DOCK4: variants seen among roughly 807,000 people sequenced by gnomAD.
DOCK4 encodes dedicator of cytokinesis 4, also known as dedicator of cytokinesis protein 4.
Under a neutral mutation model 268.1 loss-of-function variants are expected in DOCK4, and 97 were observed. The ratio of observed to expected loss-of-function variants is 0.36; its 90% CI spans 0.31 to 0.43. The LOEUF (loss-of-function observed/expected upper bound fraction) is 0.43. DOCK4 is among the 20% of genes least tolerant of loss of function. DOCK4 has a pLI of 1.00. For synonymous variants in DOCK4, 954 were observed against 887.2 expected (o/e 1.08, Z -1.34); for missense variants, 2,145 against 2,455.7 (o/e 0.87, Z 2.67).
rs992698243 is a variant in DOCK4, at chr7:111,741,629, G to C, written c.4830C>G (p.Val1610=). The part of the protein sequence containing the change: ...EFSACMQASP[V]HFPNGSPRVC... ...CACGAGGGCTTCCATTAGGAAAATGGACAGGACTGGCTTGCATACAAGCAG... is the reference window on the plus strand; with the variant it reads ...CACGAGGGCTTCCATTAGGAAAATGCACAGGACTGGCTTGCATACAAGCAG... Residue 1610 remains valine (V), a synonymous_variant, in exon 46 of 53, where the codon GTC becomes GTG. Coordinates refer to ENST00000428084, the MANE Select transcript of DOCK4 (RefSeq NM_001363540.2). 3 of 1,613,480 alleles carry C rather than the reference G, an allele frequency of 1.9e-6. No individual in the cohort carries two copies. The African/African-American group carries it at 4.0e-5, about 22-fold the overall frequency.
At chr7:111,765,544 A>C (rs185428047) in intron 38 of DOCK4, among the ~76,000 whole-genome samples, 61 of 152,328 alleles carry the variant, frequency 4.0e-4, no homozygotes, top group Non-Finnish European at 8.4e-4. Flanking sequence ...GAGAAAAATT[A>C]TTTCTATGCA....
At chr7:112,081,520 G>T (rs1808583120) in intron 1 of DOCK4, among the ~76,000 whole-genome samples, 1 of 152,154 alleles carries the variant, frequency 6.6e-6, no homozygotes, top group Admixed American at 6.6e-5. Context: ...ACAAGAACAT[G>T]AAGAACCACT....
chr7:112,125,990 G>A (rs756367602), intron 1 of DOCK4, among the ~76,000 whole-genome samples: 6 of 151,978 alleles, frequency 3.9e-5, no homozygotes, highest in Non-Finnish European at 7.4e-5. Flanking sequence ...TTGTAGAGAC[G>A]GGGCTTCGTC....
Position 111,726,284 on chromosome 7 carries a change from A to G in DOCK4, c.*1990T>C, listed in dbSNP as rs1434387706. ...TCACTGCCAAAATTTTTTTTAAAAA[A>G]TGGCTCCAAGAGCAAATAACACTGA... On this transcript the variant is annotated 3_prime_UTR_variant, in exon 53 of 53. Transcript: ENST00000428084. The G allele has an allele frequency of 6.5e-6, 1 of 152,684 alleles. No homozygotes were observed. The highest frequency in any genetic ancestry group is 1.5e-5 in the Non-Finnish European group (1 of 68,048). 9.5% of individuals were successfully genotyped at this position (152,684 alleles called of 1,614,324 possible). A position where few individuals can be genotyped will look rare whatever the true frequency, so the allele number is the denominator to read the frequency against.
chr7:112,091,777 G>GA (rs1359890834), intron 1 of DOCK4, among the ~76,000 whole-genome samples: 13 of 152,116 alleles, frequency 8.5e-5, no homozygotes, highest in Non-Finnish European at 1.5e-4. Flanking sequence ...CCTGAGATTT[G>GA]AAATGAACGA....
Position 111,877,082 on chromosome 7 carries a change from CT to C in DOCK4, c.1691del (p.Lys564ArgfsTer25). ...GNNNQAMKAT[K>X]ESFCITSFLC... ...GAAAAGATGTAATACAAAAGGACTCCTTTGTGGCCTTCATGGCTTGATTATT... is the reference window on the plus strand; with the variant it reads ...GAAAAGATGTAATACAAAAGGACTCCTTGTGGCCTTCATGGCTTGATTATT... On this transcript the variant is annotated frameshift_variant, in exon 17 of 53. Transcript: ENST00000428084. LOFTEE classifies it high-confidence loss of function. 1 of 1,584,896 alleles carries C rather than the reference CT, an allele frequency of 6.3e-7. No individual in the cohort carries two copies. The highest frequency in any genetic ancestry group is 1.2e-5 in the South Asian group (1 of 85,606).
chr7:112,114,446 C>CT (rs1177916530), intron 1 of DOCK4, among the ~76,000 whole-genome samples: 4 of 152,142 alleles, frequency 2.6e-5, no homozygotes, highest in Non-Finnish European at 5.9e-5. Flanking sequence ...GTGACAGGCT[C>CT]TTGTTATTCA....
intron 12 of DOCK4, among the ~76,000 whole-genome samples, chr7:111,928,354 T>C (rs1793902654): frequency 6.6e-6 from 1 of 152,176 alleles, no homozygotes; most frequent in African/African-American, 2.4e-5. Flanking sequence ...AAATTAGCCA[T>C]ACATAGCTCA....
intron 30 of DOCK4, among the ~76,000 whole-genome samples, chr7:111,804,284 C>A (rs1412519050): frequency 6.6e-6 from 1 of 152,184 alleles, no homozygotes; most frequent in African/African-American, 2.4e-5. Context: ...TGATACATTA[C>A]AACATGAATG....
chr7:111,901,861 C>G, intron 13 of DOCK4, 60 bp from the exon 14 acceptor site: 1 of 1,312,440 alleles, frequency 7.6e-7, no homozygotes, highest in Non-Finnish European at 1.1e-6. Flanking sequence ...TAATAAAGTG[C>G]TCTATCAAGA....
At chr7:111,861,201 C>G (rs1474904591) in intron 23 of DOCK4, among the ~76,000 whole-genome samples, 2 of 152,100 alleles carry the variant, frequency 1.3e-5, no homozygotes, top group Non-Finnish European at 2.9e-5. Flanking sequence ...TAGGACTGAG[C>G]AGCAGAGTTG....
intron 52 of DOCK4, among the ~76,000 whole-genome samples, chr7:111,730,030 A>G (rs931393446): frequency 6.6e-6 from 1 of 152,178 alleles, no homozygotes; most frequent in African/African-American, 2.4e-5. Flanking sequence ...ATAATCTTTA[A>G]AAGCTGAGAA....
chr7:111,762,945 T>C (rs1238235598), intron 39 of DOCK4, among the ~76,000 whole-genome samples: 1 of 151,536 alleles, frequency 6.6e-6, no homozygotes, highest in East Asian at 1.9e-4. Context: ...TTTTTTAACT[T>C]TTAGTAGAGA....
At position 111,849,262 on chromosome 7, in the gene DOCK4, C is replaced by CTT. The variant is rs200312873; in HGVS notation, c.2474-2138_2474-2137dup. On this transcript the variant is annotated intron_variant, in intron 23 of 52. Transcript: ENST00000428084. ...TGAACTATCTTTTTCTTCCTAGTTA[C>CTT]TTTTTTTTTTTTTTTTTTGAGACGG... Among the ~76,000 whole-genome samples, 1,222 of 133,344 alleles carry CTT rather than the reference C, an allele frequency of 9.2e-3. 20 individuals carry two copies. Among genetic ancestry groups the CTT allele is most frequent in the African/African-American group, 0.03 (1,079 of 35,918 alleles). The allele number at this position is 133,344 out of a possible 152,430, so 87.5% of individuals were successfully genotyped here. A position where few individuals can be genotyped will look rare whatever the true frequency, so the allele number is the denominator to read the frequency against.
At chr7:111,988,799 T>C (rs1799258618) in intron 6 of DOCK4, among the ~76,000 whole-genome samples, 1 of 152,152 alleles carries the variant, frequency 6.6e-6, no homozygotes, top group Admixed American at 6.5e-5. Flanking sequence ...CCACATACGA[T>C]ACTAGACAAC....
intron 1 of DOCK4, among the ~76,000 whole-genome samples, chr7:112,013,539 G>A (rs1586641134): frequency 6.6e-6 from 1 of 152,140 alleles, no homozygotes; most frequent in Non-Finnish European, 1.5e-5. Flanking sequence ...CCACTCAACA[G>A]TCCCACTGAA....
At chr7:111,951,745 T>G (rs1413744512) in intron 8 of DOCK4, among the ~76,000 whole-genome samples, 1 of 151,462 alleles carries the variant, frequency 6.6e-6, no homozygotes, top group African/African-American at 2.4e-5. Flanking sequence ...AGCTGAGTAG[T>G]CCCAGCTACA....
At chr7:111,937,438 A>G (rs142591198) in intron 11 of DOCK4, among the ~76,000 whole-genome samples, 1 of 152,344 alleles carries the variant, frequency 6.6e-6, no homozygotes, top group African/African-American at 2.4e-5. Flanking sequence ...GGAAAAGCAG[A>G]CAATAAAAAA....
intron 1 of DOCK4, among the ~76,000 whole-genome samples, chr7:112,115,958 C>G (rs1812117588): frequency 6.6e-6 from 1 of 152,210 alleles, no homozygotes; most frequent in African/African-American, 2.4e-5. Context: ...GAATTACAGG[C>G]ATGAGCCACC....
Sources: gnomAD v4.1 joint callset for allele counts (sites outside exome capture counted in the v4.1 genomes callset) on GRCh38, gnomAD v4.1.1 for gene constraint, MANE v1.5 for transcripts, NCBI Gene and HGNC (gene_info 2026-07-23, HGNC 2026-07-21) for gene names.